BSPRY: variants seen among roughly 807,000 people sequenced by gnomAD.
The protein encoded by BSPRY is B box and SPRY domain-containing protein.
BSPRY carries 33 observed loss-of-function variants against 38.0 expected under a neutral mutation model. The observed-to-expected ratio is 0.87, with a 90% CI of 0.66 to 1.16. The LOEUF is 1.16. Ranked by LOEUF, BSPRY falls within the 50% of genes most tolerant of loss-of-function variation. The pLI, the probability that BSPRY is intolerant of heterozygous loss-of-function variation, is 0.00. For missense variants in BSPRY, 523 were observed against 533.2 expected (o/e 0.98, Z 0.19); for synonymous variants, 224 against 228.5 (o/e 0.98, Z 0.18).
intron 4 of BSPRY, among the ~76,000 whole-genome samples, chr9:113,365,834 T>C (rs1406477492): frequency 1.4e-5 from 2 of 145,330 alleles, no homozygotes; most frequent in Non-Finnish European, 3.0e-5. Flanking sequence ...AGATGGAGTC[T>C]TACTCTGTCA....
At chr9:113,358,899 A>G (rs946947972) in intron 2 of BSPRY, among the ~76,000 whole-genome samples, 1 of 152,150 alleles carries the variant, frequency 6.6e-6, no homozygotes, top group Admixed American at 6.5e-5. Flanking sequence ...GCAGTTGCTC[A>G]TGACTGTAAT....
rs1302939102 is a variant in BSPRY, at chr9:113,371,063, A to G, written c.*921A>G. ...CCTGTGCCCACTGATAATAGCAGGG[A>G]CGGCCTTTTCTCTTAGAGCAGCTGA... On this transcript the variant is annotated 3_prime_UTR_variant, in exon 6 of 6. Transcript: ENST00000374183. The G allele has an allele frequency of 6.9e-6, 1 of 145,334 alleles. No homozygotes were observed. Among genetic ancestry groups the G allele is most frequent in the East Asian group, 2.0e-4 (1 of 5,050 alleles). The allele number at this position is 145,334 out of a possible 1,614,324, so 9.0% of individuals were successfully genotyped here.
intron 3 of BSPRY, among the ~76,000 whole-genome samples, chr9:113,362,039 G>A (rs1054652031): frequency 3.9e-5 from 6 of 152,280 alleles, no homozygotes; most frequent in South Asian, 2.1e-4. Flanking sequence ...AGAAAGAGTC[G>A]CAGCCGTCCA....
At chr9:113,365,581 C>T (rs1174787295) in intron 4 of BSPRY, among the ~76,000 whole-genome samples, 2 of 152,148 alleles carry the variant, frequency 1.3e-5, no homozygotes, top group Non-Finnish European at 2.9e-5. Context: ...GCCCCTGAAT[C>T]AGCTGCTTCT....
rs781443069 is a variant in BSPRY, at chr9:113,370,285, G to C, written c.*143G>C. 1 of 1,031,538 alleles carries C rather than the reference G, an allele frequency of 9.7e-7. No individual in the cohort carries two copies. The highest frequency in any genetic ancestry group is 1.4e-6 in the Non-Finnish European group (1 of 738,030). 63.9% of individuals were successfully genotyped at this position (1,031,538 alleles called of 1,614,324 possible). ...CAGTGGGCAGCTTTAGGAGGGATGGGGATCTGTTTCAGATCTAGGCATAAC... is the reference window on the plus strand; with the variant it reads ...CAGTGGGCAGCTTTAGGAGGGATGGCGATCTGTTTCAGATCTAGGCATAAC... On this transcript the variant is annotated 3_prime_UTR_variant, in exon 6 of 6. Transcript: ENST00000374183. The surrounding 1 kb of genome is among the most constrained non-coding windows in gnomAD (Gnocchi z 4.8).
At chr9:113,355,775 C>CAGCTAAT (rs1834048177) in intron 2 of BSPRY, among the ~76,000 whole-genome samples, 1 of 149,732 alleles carries the variant, frequency 6.7e-6, no homozygotes, top group Admixed American at 6.6e-5. Flanking sequence ...CCACGACACC[C>CAGCTAAT]AGCTAATTTT....
intron 2 of BSPRY, among the ~76,000 whole-genome samples, chr9:113,357,654 C>G (rs1443444303): frequency 6.6e-6 from 1 of 151,822 alleles, no homozygotes; most frequent in Admixed American, 6.6e-5. Flanking sequence ...GTCTTTAGAA[C>G]CAGCTTCTAG....
At chr9:113,368,988 ATTT>A in intron 5 of BSPRY, among the ~76,000 whole-genome samples, 1 of 145,932 alleles carries the variant, frequency 6.9e-6, no homozygotes, top group East Asian at 2.0e-4. Flanking sequence ...TAATAGACTG[ATTT>A]TTTTTTTTTT....
chr9:113,356,503 C>CA (rs11381750), intron 2 of BSPRY, among the ~76,000 whole-genome samples: 99,162 of 148,570 alleles, frequency 0.67, 33,333 homozygotes, highest in African/African-American at 0.78. Flanking sequence ...GACTCTGTCT[C>CA]AAAAAAAAAA....
intron 2 of BSPRY, among the ~76,000 whole-genome samples, chr9:113,356,301 CAG>C (rs920091402): frequency 1.3e-5 from 2 of 152,000 alleles, no homozygotes; most frequent in African/African-American, 4.8e-5. Context: ...TCAGGAGTTC[CAG>C]ACCATCCTGG....
At chr9:113,368,490 C>T in intron 5 of BSPRY, 107 bp downstream of exon 5, 1 of 1,430,698 alleles carries the variant, frequency 7.0e-7, no homozygotes, top group South Asian at 1.4e-5. Flanking sequence ...GAGATGATAG[C>T]TTAAACAAGT....
chr9:113,352,917 G>A lies in BSPRY; in HGVS notation c.202-1323G>A, dbSNP rs148365609. 6.2e-4 allele frequency among the ~76,000 whole-genome samples: 95 copies of A among 152,314 alleles called. 1 individual carries two copies. The highest frequency in any genetic ancestry group is 2.2e-3 in the African/African-American group (92 of 41,558). On this transcript the variant is annotated intron_variant, in intron 1 of 5. Coordinates refer to ENST00000374183, the MANE Select transcript of BSPRY (RefSeq NM_017688.3). ...GTTGATAGGACTCACTAATGGAATTGATGTGGGGTTGGAGACAAACTCCTG... is the reference window on the plus strand; with the variant it reads ...GTTGATAGGACTCACTAATGGAATTAATGTGGGGTTGGAGACAAACTCCTG...
Position 113,370,998 on chromosome 9 carries a change from C to G in BSPRY, c.*856C>G, listed in dbSNP as rs1249527234. 6.6e-6 allele frequency: 1 copy of G among 152,228 alleles called. No homozygotes were observed. The highest frequency in any genetic ancestry group is 1.5e-5 in the Non-Finnish European group (1 of 68,064). 9.4% of individuals were successfully genotyped at this position (152,228 alleles called of 1,614,324 possible). A position where few individuals can be genotyped will look rare whatever the true frequency, so the allele number is the denominator to read the frequency against. On this transcript the variant is annotated 3_prime_UTR_variant, in exon 6 of 6. Coordinates refer to ENST00000374183, the MANE Select transcript of BSPRY (RefSeq NM_017688.3). This position sits in a 1 kb window ranked among gnomAD's most constrained non-coding sequence, Gnocchi z 4.8. ...CTCAGAGGACCAGGGGATCATGTCT[C>G]CAGGTAACCCGACTGTAGCCCCTGC...
chr9:113,361,167 C>A (rs550951281), intron 3 of BSPRY, among the ~76,000 whole-genome samples: 14 of 152,274 alleles, frequency 9.2e-5, no homozygotes, highest in Admixed American at 3.9e-4. Flanking sequence ...AACCCCCAAC[C>A]CTGCTCCTTA....
intron 3 of BSPRY, among the ~76,000 whole-genome samples, chr9:113,361,023 G>A (rs980393537): frequency 2.0e-5 from 3 of 152,190 alleles, no homozygotes; most frequent in Middle Eastern, 3.4e-3. Flanking sequence ...TATCTGATCA[G>A]GTTCCTCATC....
Position 113,369,655 on chromosome 9 carries a change from C to A in BSPRY, c.722C>A (p.Pro241His). Residue 241 changes from proline to histidine, a missense_variant, in exon 6 of 6, where the codon CCC becomes CAC. Coordinates refer to ENST00000374183, the MANE Select transcript of BSPRY (RefSeq NM_017688.3). ...DIRIDERTVS[P>H]FLQLSDDRKT... ...CGGATCGATGAGAGGACAGTCAGCCCCTTCCTGCAATTGTCAGATGATCGA... is the reference window on the plus strand; with the variant it reads ...CGGATCGATGAGAGGACAGTCAGCCACTTCCTGCAATTGTCAGATGATCGA... The A allele has an allele frequency of 1.2e-6, 2 of 1,614,052 alleles. No homozygotes were observed. The highest frequency in any genetic ancestry group is 1.7e-6 in the Non-Finnish European group (2 of 1,179,964).
At chr9:113,356,152 A>ACAGAT (rs1257296179) in intron 2 of BSPRY, among the ~76,000 whole-genome samples, 3 of 152,158 alleles carry the variant, frequency 2.0e-5, no homozygotes, top group African/African-American at 7.2e-5. Flanking sequence ...GAAATATAAA[A>ACAGAT]CAGAAAGGGG....
chr9:113,355,896 G>A (rs1295413102), intron 2 of BSPRY, among the ~76,000 whole-genome samples: 2 of 152,096 alleles, frequency 1.3e-5, no homozygotes, highest in Non-Finnish European at 2.9e-5. Context: ...GATTACAGGC[G>A]TGAGCCACTG....
intron 1 of BSPRY, among the ~76,000 whole-genome samples, chr9:113,350,979 G>A (rs888507511): frequency 6.6e-6 from 1 of 152,176 alleles, no homozygotes; most frequent in African/African-American, 2.4e-5. Flanking sequence ...TCGGAACAAG[G>A]CAGTAACTCC....
Sources: allele counts gnomAD v4.1 joint callset (sites outside exome capture counted in the v4.1 genomes callset), GRCh38; gene constraint gnomAD v4.1.1; non-coding constraint Gnocchi (gnomAD v3.1); transcripts MANE v1.5; gene names NCBI Gene and HGNC (gene_info 2026-07-23, HGNC 2026-07-21).